The following KAZN variants were observed in gnomAD, a reference collection of about 807,000 sequenced individuals.
KAZN encodes kazrin, periplakin interacting protein.
KAZN carries 40 observed loss-of-function variants against 87.4 expected under a neutral mutation model. That is an observed-to-expected ratio of 0.46 (90% CI 0.36 to 0.60). The LOEUF is 0.60. Ranked by LOEUF, KAZN falls within the 20% of genes least tolerant of loss-of-function variation. The probability of loss-of-function intolerance (pLI) is 0.00; values close to 1 mark genes in which losing one functional copy is unlikely to be tolerated. For missense variants in KAZN, 898 were observed against 1,073.9 expected (o/e 0.84, Z 2.29); for synonymous variants, 466 against 458.3 (o/e 1.02, Z -0.22).
intron 1 of KAZN, among the ~76,000 whole-genome samples, chr1:14,697,271 A>G (rs1326003395): frequency 6.6e-6 from 1 of 151,974 alleles, no homozygotes; most frequent in Non-Finnish European, 1.5e-5. Flanking sequence ...TCAAGGCTAC[A>G]GTGAGCCATG....
intron 1 of KAZN, among the ~76,000 whole-genome samples, chr1:13,997,713 G>A (rs12026097): frequency 0.14 from 20,642 of 151,956 alleles, 1,521 homozygotes; most frequent in Middle Eastern, 0.22. Context: ...AGAAATATGG[G>A]ACTTCATAAA....
intron 1 of KAZN, among the ~76,000 whole-genome samples, chr1:14,147,512 G>C (rs2101788064): frequency 6.6e-6 from 1 of 152,292 alleles, no homozygotes; most frequent in Non-Finnish European, 1.5e-5. Flanking sequence ...GTCACTGCAG[G>C]GCTGGGCGTG....
chr1:15,102,723 G>A (rs1472308018), intron 11 of KAZN, among the ~76,000 whole-genome samples: 3 of 152,218 alleles, frequency 2.0e-5, no homozygotes, highest in Non-Finnish European at 2.9e-5. Flanking sequence ...GGAGGCCTGC[G>A]ATACGGTGGC....
chr1:14,681,609 A>T (rs1377954626), intron 1 of KAZN, among the ~76,000 whole-genome samples: 1 of 67,408 alleles, frequency 1.5e-5, no homozygotes. Context: ...ATATATGTAT[A>T]TGTGTATATA....
chr1:14,135,054 G>A (rs1166988569), intron 1 of KAZN, among the ~76,000 whole-genome samples: 1 of 150,370 alleles, frequency 6.7e-6, no homozygotes, highest in Non-Finnish European at 1.5e-5. Flanking sequence ...TTATTACATT[G>A]GTGGAAAAGT....
intron 2 of KAZN, among the ~76,000 whole-genome samples, chr1:14,459,725 C>T (rs1394622182): frequency 6.6e-6 from 1 of 152,100 alleles, no homozygotes; most frequent in Non-Finnish European, 1.5e-5. Context: ...AATGTTCTAA[C>T]CTCCGAGGGC....
At chr1:14,267,393 A>G (rs978439714) in intron 2 of KAZN, among the ~76,000 whole-genome samples, 5 of 150,946 alleles carry the variant, frequency 3.3e-5, no homozygotes, top group Non-Finnish European at 5.9e-5. Flanking sequence ...CAAAATATCT[A>G]TGTTTTAAGA....
intron 2 of KAZN, among the ~76,000 whole-genome samples, chr1:15,020,530 A>G (rs1183667038): frequency 6.6e-6 from 1 of 152,084 alleles, no homozygotes; most frequent in Admixed American, 6.5e-5. Context: ...TTTACAGTAT[A>G]TACTCATCTG....
At chr1:14,675,397 GTTCTCTTTGAAAATAT>G (rs1640161831) in intron 1 of KAZN, among the ~76,000 whole-genome samples, 1 of 152,208 alleles carries the variant, frequency 6.6e-6, no homozygotes, top group African/African-American at 2.4e-5. Context: ...ACTTGGGGGT[GTTCTCTTTGAAAATAT>G]TTCCCTCTTA....
chr1:14,691,253 C>T (rs1251703706), intron 1 of KAZN, among the ~76,000 whole-genome samples: 13 of 152,122 alleles, frequency 8.5e-5, no homozygotes, highest in Non-Finnish European at 1.8e-4. Flanking sequence ...ATTATGTGGT[C>T]GATTTCTTAA....
chr1:15,091,492 G>A (rs1431404265), intron 8 of KAZN, among the ~76,000 whole-genome samples: 1 of 152,134 alleles, frequency 6.6e-6, no homozygotes, highest in Non-Finnish European at 1.5e-5. Context: ...CTACAGGCGT[G>A]TGCTACCACG....
At chr1:14,342,847 T>G (rs1282697420) in intron 2 of KAZN, among the ~76,000 whole-genome samples, 6 of 152,082 alleles carry the variant, frequency 3.9e-5, no homozygotes, top group Admixed American at 3.9e-4. Flanking sequence ...TCCATTAAAC[T>G]CTTGTATGTA....
chr1:14,945,148 G>A (rs1661608275), intron 1 of KAZN, among the ~76,000 whole-genome samples: 1 of 152,206 alleles, frequency 6.6e-6, no homozygotes, highest in South Asian at 2.1e-4. Flanking sequence ...TGAGGTCTCT[G>A]GGAGGTTGCA....
chr1:14,724,240 GA>G (rs112525858), intron 1 of KAZN, among the ~76,000 whole-genome samples: 82 of 150,906 alleles, frequency 5.4e-4, no homozygotes, highest in African/African-American at 1.1e-3. Flanking sequence ...ACAGGATAGG[GA>G]AAAAAAAAGT....
intron 1 of KAZN, among the ~76,000 whole-genome samples, chr1:14,906,001 T>C (rs1181759291): frequency 1.3e-5 from 2 of 151,350 alleles, no homozygotes; most frequent in Non-Finnish European, 2.9e-5. Context: ...ACCCCGTCTC[T>C]ACTAAAAATA....
chr1:14,037,144 A>G (rs1641594520), intron 1 of KAZN, among the ~76,000 whole-genome samples: 1 of 152,198 alleles, frequency 6.6e-6, no homozygotes, highest in South Asian at 2.1e-4. Flanking sequence ...ATTATTTTAT[A>G]GCCCACTTTT....
chr1:14,553,093 G>T (rs933169047), intron 2 of KAZN, among the ~76,000 whole-genome samples: 2 of 152,212 alleles, frequency 1.3e-5, no homozygotes, highest in Admixed American at 1.3e-4. Context: ...TGAAAATACA[G>T]GCCAGGCACG....
intron 1 of KAZN, among the ~76,000 whole-genome samples, chr1:14,839,124 G>A (rs1178945895): frequency 6.6e-6 from 1 of 152,154 alleles, no homozygotes; most frequent in East Asian, 1.9e-4. Flanking sequence ...TGCCACTTCG[G>A]AGCACTAACA....
chr1:14,935,261 A>G (rs1366802409), intron 1 of KAZN, among the ~76,000 whole-genome samples: 3 of 152,086 alleles, frequency 2.0e-5, no homozygotes, highest in Admixed American at 6.6e-5. Flanking sequence ...TCTTTTTGAG[A>G]CAGAGTTTCA....
Sources: allele counts gnomAD v4.1 joint callset (sites outside exome capture counted in the v4.1 genomes callset), GRCh38; gene constraint gnomAD v4.1.1; transcripts MANE v1.5; gene names NCBI Gene and HGNC (gene_info 2026-07-23, HGNC 2026-07-21).